Variants in NCKAP5 observed in about 807,000 individuals in gnomAD.
NCKAP5 encodes the protein NCK associated protein 5.
NCKAP5 carries 92 observed loss-of-function variants against 167.0 expected under a neutral mutation model. The ratio of observed to expected loss-of-function variants is 0.55; its 90% CI spans 0.47 to 0.66. NCKAP5 has a LOEUF of 0.66. Ranked by LOEUF, NCKAP5 falls within the 30% of genes least tolerant of loss-of-function variation. NCKAP5 has a pLI of 0.00. For synonymous variants in NCKAP5, 891 were observed against 877.4 expected (o/e 1.02, Z -0.27); for missense variants, 2,378 against 2,315.0 (o/e 1.03, Z -0.56).
chr2:133,481,623 C>T (rs1680444390), intron 3 of NCKAP5, among the ~76,000 whole-genome samples: 1 of 152,124 alleles, frequency 6.6e-6, no homozygotes, highest in Non-Finnish European at 1.5e-5. Flanking sequence ...TGTGTTGTTC[C>T]CCTCTTTGCG....
At chr2:133,406,038 C>T (rs1428435148) in intron 3 of NCKAP5, among the ~76,000 whole-genome samples, 2 of 152,210 alleles carry the variant, frequency 1.3e-5, no homozygotes, top group Non-Finnish European at 2.9e-5. Flanking sequence ...TTGTAAAAAG[C>T]ACTCTCTACA....
intron 3 of NCKAP5, among the ~76,000 whole-genome samples, chr2:133,421,441 A>C (rs2151092975): frequency 6.6e-6 from 1 of 152,332 alleles, no homozygotes; most frequent in East Asian, 1.9e-4. Context: ...CAATCACTTT[A>C]AGAGGTTACA....
At chr2:133,499,484 G>A (rs543668140) in intron 3 of NCKAP5, among the ~76,000 whole-genome samples, 75 of 152,216 alleles carry the variant, frequency 4.9e-4, no homozygotes, top group African/African-American at 1.7e-3. Flanking sequence ...CCTCATCAGC[G>A]GGCATACCAC....
chr2:133,559,336 C>T (rs148682700), intron 1 of NCKAP5, among the ~76,000 whole-genome samples: 28 of 152,144 alleles, frequency 1.8e-4, no homozygotes, highest in African/African-American at 6.3e-4. Flanking sequence ...TGGGCAAAAT[C>T]GCTGCTGATT....
At chr2:133,024,822 A>G (rs76220108) in intron 6 of NCKAP5, among the ~76,000 whole-genome samples, 1,653 of 152,258 alleles carry the variant, frequency 0.011, 23 homozygotes, top group African/African-American at 0.038. Flanking sequence ...ACATTTTATG[A>G]TATGTTTCCT....
chr2:133,064,126 T>C (rs1029766839), intron 6 of NCKAP5, among the ~76,000 whole-genome samples: 3 of 152,156 alleles, frequency 2.0e-5, no homozygotes, highest in Non-Finnish European at 2.9e-5. Context: ...TCTGACATGA[T>C]CAAAAAATGG....
rs1684645756 is a variant in NCKAP5 at position 132,796,817 on chromosome 2, C to T, written c.808-88G>A. 5 of 897,448 alleles carry T rather than the reference C, an allele frequency of 5.6e-6. No homozygotes were observed. The Admixed American group carries it at 1.1e-4, about 20-fold the overall frequency. 55.6% of individuals were successfully genotyped at this position (897,448 alleles called of 1,614,324 possible). A position where few individuals can be genotyped will look rare whatever the true frequency, so the allele number is the denominator to read the frequency against. On this transcript the variant is annotated intron_variant, in intron 11 of 19. Transcript: ENST00000409261. ...CCTTGGACAGTTAAATCTCAAAAGA[C>T]TTGACATTTCCAGATTAGATAATAC... is the stretch of plus-strand genomic sequence containing the variant.
Position 133,219,004 on chromosome 2 carries a change from TAAAGAAGGAAC to T in NCKAP5, c.144-5236_144-5226del, listed in dbSNP as rs550399920. ...ACACATTATATTCTTTGGCATTCAA[TAAAGAAGGAAC>T]AAAATGAATGAATCAACACGAATGG... On this transcript the variant is annotated intron_variant, in intron 4 of 19. Coordinates refer to ENST00000409261, the MANE Select transcript of NCKAP5 (RefSeq NM_207363.3). Among the ~76,000 whole-genome samples the T allele has an allele frequency of 2.0e-4, 31 of 152,280 alleles. 1 individual carries two copies. In the South Asian group the frequency reaches 6.4e-3, roughly 32 times the overall value.
At chr2:132,904,787 A>G (rs924386228) in intron 8 of NCKAP5, among the ~76,000 whole-genome samples, 4 of 152,146 alleles carry the variant, frequency 2.6e-5, no homozygotes, top group African/African-American at 9.7e-5. Context: ...GGTATTTTCT[A>G]ATCTGTGGAT....
intron 7 of NCKAP5, among the ~76,000 whole-genome samples, chr2:132,969,683 T>A (rs1308984451): frequency 6.6e-6 from 1 of 152,100 alleles, no homozygotes; most frequent in African/African-American, 2.4e-5. Flanking sequence ...CAGCTGGAAG[T>A]CGCAGGGCCA....
chr2:132,742,424 C>G (rs1342228981), intron 16 of NCKAP5, among the ~76,000 whole-genome samples: 2 of 151,926 alleles, frequency 1.3e-5, no homozygotes, highest in Non-Finnish European at 2.9e-5. Flanking sequence ...AAATTCAGAT[C>G]TATCAATTTA....
At chr2:132,958,782 T>C (rs1485657446) in intron 8 of NCKAP5, among the ~76,000 whole-genome samples, 34 of 152,142 alleles carry the variant, frequency 2.2e-4, no homozygotes, top group Admixed American at 2.2e-3. Context: ...TTTTTTATAT[T>C]ACACACAAAT....
the NCKAP5 span, among the ~76,000 whole-genome samples, chr2:133,604,948 A>C: frequency 6.6e-6 from 1 of 152,208 alleles, no homozygotes; most frequent in Admixed American, 6.5e-5. Context: ...CTGGCTGTAC[A>C]AGACACAGTG....
chr2:133,448,250 G>GAAAA (rs58596848), intron 3 of NCKAP5, among the ~76,000 whole-genome samples: 13,331 of 140,838 alleles, frequency 0.095, 1,106 homozygotes, highest in East Asian at 0.27. Flanking sequence ...ATTGTTCTGG[G>GAAAA]AAAAAAAAAA....
chr2:133,406,307 G>C (rs1688423630), intron 3 of NCKAP5, among the ~76,000 whole-genome samples: 1 of 152,096 alleles, frequency 6.6e-6, no homozygotes, highest in Non-Finnish European at 1.5e-5. Context: ...TGAGTTTTGG[G>C]GAGTGCTTTT....
chr2:133,548,071 C>T (rs1330596412), intron 2 of NCKAP5, among the ~76,000 whole-genome samples: 3 of 146,374 alleles, frequency 2.0e-5, no homozygotes, highest in Admixed American at 6.9e-5. Context: ...TTGAGAACTA[C>T]GTGAAGAATG....
At chr2:132,996,755 C>G (rs1239471786) in intron 6 of NCKAP5, among the ~76,000 whole-genome samples, 1 of 152,146 alleles carries the variant, frequency 6.6e-6, no homozygotes, top group Non-Finnish European at 1.5e-5. Flanking sequence ...TTGTATGAAT[C>G]CTTTGCTAAT....
chr2:133,624,385 C>T, the NCKAP5 span, among the ~76,000 whole-genome samples: 55 of 152,236 alleles, frequency 3.6e-4, no homozygotes, highest in South Asian at 0.011. Context: ...CGTCTCATCT[C>T]TTAGGAGGAG....
At chr2:132,996,979 T>G (rs1020136064) in intron 6 of NCKAP5, among the ~76,000 whole-genome samples, 6 of 152,172 alleles carry the variant, frequency 3.9e-5, no homozygotes, top group Admixed American at 2.6e-4. Flanking sequence ...GAAGCATGTA[T>G]TTGAGTGACT....
Sources: gnomAD v4.1 joint callset for allele counts (sites outside exome capture counted in the v4.1 genomes callset) on GRCh38, gnomAD v4.1.1 for gene constraint, MANE v1.5 for transcripts, NCBI Gene and HGNC (gene_info 2026-07-23, HGNC 2026-07-21) for gene names.